SLCO1B1: variants seen among roughly 807,000 people sequenced by gnomAD.
The protein encoded by SLCO1B1 is OATP-2.
A neutral mutation model predicts 70.1 loss-of-function variants in SLCO1B1; 81 were observed. The observed-to-expected ratio is 1.16, with a 90% CI of 0.97 to 1.39. The LOEUF is 1.39. Among genes scored for constraint, SLCO1B1 ranks in the 40% most tolerant of loss-of-function variants. SLCO1B1 has a pLI of 0.00. For synonymous variants in SLCO1B1, 283 were observed against 271.5 expected (o/e 1.04, Z -0.42); for missense variants, 895 against 799.6 (o/e 1.12, Z -1.44).
chr12:21,139,865 TCTGA>T (rs1464361733), intron 1 of SLCO1B1, among the ~76,000 whole-genome samples: 1 of 152,122 alleles, frequency 6.6e-6, no homozygotes, highest in Non-Finnish European at 1.5e-5. Flanking sequence ...GTTTTGTGTT[TCTGA>T]GTTGAATGTT....
intron 14 of SLCO1B1, among the ~76,000 whole-genome samples, chr12:21,238,591 G>A (rs990710670): frequency 6.6e-6 from 1 of 151,934 alleles, no homozygotes; most frequent in Admixed American, 6.6e-5. Context: ...TGCTGGAGAA[G>A]GGGTAGCATT....
At position 21,239,085 on chromosome 12, in the gene SLCO1B1, G is replaced by A; in HGVS notation, c.1972G>A (p.Ala658Thr). 1 of 1,600,918 alleles carries A rather than the reference G, an allele frequency of 6.2e-7. No individual in the cohort carries two copies. The highest frequency in any genetic ancestry group is 1.3e-5 in the African/African-American group (1 of 74,718). Residue 658 changes from alanine to threonine, a missense_variant, in exon 15 of 15, where the codon GCA becomes ACA. Physicochemically the swap from Ala to Thr is moderately conservative, Grantham distance 58 (BLOSUM62 0). Coordinates refer to ENST00000256958, the MANE Select transcript of SLCO1B1 (RefSeq NM_006446.5). ...KKKYQEKDIN[A>T]SENGSVMDEA... The stretch of plus-strand genomic sequence containing the variant: ...AAAATATCAAGAGAAAGATATCAAT[G>A]CATCAGAAAATGGAAGTGTCATGGA...
At chr12:21,136,624 A>C (rs1194307170) in intron 1 of SLCO1B1, among the ~76,000 whole-genome samples, 2 of 152,144 alleles carry the variant, frequency 1.3e-5, no homozygotes, top group Non-Finnish European at 2.9e-5. Flanking sequence ...TGATCCTATC[A>C]GCTACTGAGG....
intron 11 of SLCO1B1, among the ~76,000 whole-genome samples, chr12:21,208,935 G>A (rs1325447742): frequency 2.6e-5 from 4 of 151,784 alleles, no homozygotes; most frequent in South Asian, 2.1e-4. Context: ...AACTGTTATC[G>A]GTGTATAGAA....
At chr12:21,162,557 C>T (rs921805465) in intron 2 of SLCO1B1, among the ~76,000 whole-genome samples, 5 of 152,202 alleles carry the variant, frequency 3.3e-5, no homozygotes, top group Middle Eastern at 3.4e-3. Context: ...GCAGAATTCC[C>T]GTTGCTTCAA....
At chr12:21,136,526 G>C (rs911619225) in intron 1 of SLCO1B1, among the ~76,000 whole-genome samples, 1 of 151,996 alleles carries the variant, frequency 6.6e-6, no homozygotes, top group Non-Finnish European at 1.5e-5. Context: ...GGCTTTGTTC[G>C]TTTCTTTTTA....
At chr12:21,193,124 A>G (rs930875159) in intron 7 of SLCO1B1, among the ~76,000 whole-genome samples, 2 of 152,162 alleles carry the variant, frequency 1.3e-5, no homozygotes, top group African/African-American at 2.4e-5. Context: ...CATGTGGTCT[A>G]TCTTAGAAAA....
chr12:21,139,749 A>G (rs1442116013), intron 1 of SLCO1B1, among the ~76,000 whole-genome samples: 1 of 152,160 alleles, frequency 6.6e-6, no homozygotes, highest in East Asian at 1.9e-4. Flanking sequence ...CATGTTCCCA[A>G]CTAAGGTTGA....
In SLCO1B1 at chr12:21,205,961, A is replaced by C. The variant is rs1215596132; in HGVS notation, c.1425A>C (p.Gly475=). ...AAAGTCAATGGGAACCAGTCTGTGG[A>C]AACAATGGAATAACTTACATCTCAC... ...CDESQWEPVC[G]NNGITYISPC... The change falls in exon 11 of 15, where the codon GGA becomes GGC. Residue 475 remains glycine (G), a synonymous_variant. Transcript: ENST00000256958. The C allele has an allele frequency of 2.5e-6, 4 of 1,612,324 alleles. No homozygotes were observed. The East Asian group carries it at 6.7e-5, about 27-fold the overall frequency.
At chr12:21,186,027 CAA>C (rs1940958547) in intron 7 of SLCO1B1, among the ~76,000 whole-genome samples, 1 of 151,846 alleles carries the variant, frequency 6.6e-6, no homozygotes, top group African/African-American at 2.4e-5. Flanking sequence ...AGACCGATAA[CAA>C]GTTATCAAAT....
chr12:21,210,219 C>T (rs996213187), intron 11 of SLCO1B1, among the ~76,000 whole-genome samples: 1 of 136,788 alleles, frequency 7.3e-6, no homozygotes, highest in Non-Finnish European at 1.6e-5. Flanking sequence ...TTTAATCCAT[C>T]TTGAATTGAT....
intron 2 of SLCO1B1, chr12:21,164,816 A>G (rs1940664673): frequency 2.0e-6 from 1 of 489,848 alleles, no homozygotes; most frequent in South Asian, 1.5e-5. Flanking sequence ...TTAACCTGTA[A>G]GGTCAGAATA....
intron 11 of SLCO1B1, among the ~76,000 whole-genome samples, chr12:21,214,134 T>C (rs1047088477): frequency 9.2e-5 from 14 of 152,216 alleles, no homozygotes; most frequent in African/African-American, 2.6e-4. Flanking sequence ...GGAGGAGAGG[T>C]GCTCTGCTTT....
chr12:21,195,550 T>A (rs1565678949), intron 7 of SLCO1B1, among the ~76,000 whole-genome samples: 1 of 152,166 alleles, frequency 6.6e-6, no homozygotes, highest in East Asian at 1.9e-4. Context: ...TTGTAGCCCA[T>A]TGGAAGCAAG....
At chr12:21,162,870 A>G (rs1940638257) in intron 2 of SLCO1B1, among the ~76,000 whole-genome samples, 1 of 152,210 alleles carries the variant, frequency 6.6e-6, no homozygotes, top group Non-Finnish European at 1.5e-5. Context: ...CATGATAACA[A>G]GATTTATGCT....
At chr12:21,182,259 G>A (rs1190720491) in intron 7 of SLCO1B1, among the ~76,000 whole-genome samples, 1 of 152,084 alleles carries the variant, frequency 6.6e-6, no homozygotes, top group African/African-American at 2.4e-5. Context: ...TTGACATCTG[G>A]GATCCTACCT....
rs1412077012 is a variant in SLCO1B1, at chr12:21,238,982, G to C, written c.1869G>C (p.Arg623Ser). The C allele has an allele frequency of 6.5e-6, 10 of 1,542,022 alleles. No individual in the cohort carries two copies. Among genetic ancestry groups the C allele is most frequent in the African/African-American group, 1.4e-5 (1 of 73,262 alleles). ...TTTATTTTCTCTATTTCTACAGAAG[G>C]GTCTACTTGGGCTTGTCTTCAATGT... ...CRTYNSTSFS[R>S]VYLGLSSMLR... is the part of the protein sequence containing the mutation. The change falls in exon 15 of 15, where the codon AGG becomes AGC. Residue 623 changes from arginine to serine, a missense_variant. By Grantham distance (110) the Arg-to-Ser change is moderately radical. Transcript: ENST00000256958.
intron 9 of SLCO1B1, among the ~76,000 whole-genome samples, 195 bp downstream of exon 9, chr12:21,200,867 A>G (rs1941149114): frequency 1.3e-5 from 2 of 152,142 alleles, no homozygotes; most frequent in Non-Finnish European, 2.9e-5. Context: ...TTGAAGTTGC[A>G]TCTTATTTTA....
intron 1 of SLCO1B1, among the ~76,000 whole-genome samples, chr12:21,140,130 C>A (rs1940287353): frequency 6.6e-6 from 1 of 151,912 alleles, no homozygotes; most frequent in African/African-American, 2.4e-5. Context: ...TATAACTAAC[C>A]CCACATCTCT....
Sources: gnomAD v4.1 joint callset for allele counts (sites outside exome capture counted in the v4.1 genomes callset) on GRCh38, gnomAD v4.1.1 for gene constraint, MANE v1.5 for transcripts, NCBI Gene and HGNC (gene_info 2026-07-23, HGNC 2026-07-21) for gene names.